The following EXD3 variants were observed in gnomAD, a reference collection of about 807,000 sequenced individuals.
EXD3 encodes the protein exonuclease 3'-5' domain containing 3.
Under a neutral mutation model 98.0 loss-of-function variants are expected in EXD3, and 92 were observed. The ratio of observed to expected loss-of-function variants is 0.94; its 90% CI spans 0.79 to 1.12. EXD3 has a LOEUF of 1.12. EXD3 is among the 50% of genes most tolerant of loss of function. The pLI, the probability that EXD3 is intolerant of heterozygous loss-of-function variation, is 0.00. For missense variants in EXD3, 1,222 were observed against 1,191.6 expected (o/e 1.03, Z -0.38); for synonymous variants, 569 against 526.0 (o/e 1.08, Z -1.12).
chr9:137,388,335 C>T (rs910529280), intron 2 of EXD3, among the ~76,000 whole-genome samples: 4 of 152,066 alleles, frequency 2.6e-5, no homozygotes, highest in Non-Finnish European at 4.4e-5. Context: ...CCCCAGCTGA[C>T]ACCCCCGCGC....
chr9:137,355,534 A>AGGAGGAAGGAGGACGGAGGAAGGAGGAT (rs1834644837), intron 8 of EXD3, among the ~76,000 whole-genome samples: 2 of 82,044 alleles, frequency 2.4e-5, no homozygotes, highest in Admixed American at 1.2e-4. Flanking sequence ...GGATGGAGGA[A>AGGAGGAAGGAGGACGGAGGAAGGAGGAT]GGAGGAAGGA....
intron 19 of EXD3, among the ~76,000 whole-genome samples, chr9:137,317,167 G>C (rs1369289702): frequency 6.6e-6 from 1 of 152,134 alleles, no homozygotes; most frequent in East Asian, 1.9e-4. Context: ...CCCTGCCTCT[G>C]TAGCTGCGGG....
chr9:137,399,184 C>G (rs1377229332), intron 1 of EXD3, among the ~76,000 whole-genome samples: 3 of 152,352 alleles, frequency 2.0e-5, no homozygotes, highest in African/African-American at 7.2e-5. Context: ...CTACTGTCTT[C>G]TAGCCTCAGG....
intron 7 of EXD3, chr9:137,365,756 A>G (rs1025676594): frequency 9.3e-6 from 3 of 324,300 alleles, no homozygotes; most frequent in South Asian, 2.5e-5. Context: ...ACATACATGC[A>G]CACACACACC....
At position 137,405,171 on chromosome 9, in the gene EXD3, C is replaced by T. The variant is rs777267104; in HGVS notation, c.-47-9767G>A. ...GGTGTCCAAAGACCCTACTTGGGAG[C>T]CCCGCACATCCGCACATCCCACCCT... On this transcript the variant is annotated intron_variant, in intron 1 of 21. Transcript: ENST00000340951. The surrounding 1 kb of genome is among the most constrained non-coding windows in gnomAD (Gnocchi z 4.1). 6.6e-6 allele frequency among the ~76,000 whole-genome samples: 1 copy of T among 152,218 alleles called. No individual in the cohort carries two copies. The highest frequency in any genetic ancestry group is 1.5e-5 in the Non-Finnish European group (1 of 68,034).
At position 137,368,597 on chromosome 9, in the gene EXD3, C is replaced by T. The variant is rs146704819; in HGVS notation, c.463-608G>A. 2.8e-4 allele frequency among the ~76,000 whole-genome samples: 42 copies of T among 152,326 alleles called. No homozygotes were observed. In the East Asian group the frequency reaches 6.6e-3, roughly 24 times the overall value. On this transcript the variant is annotated intron_variant, in intron 5 of 21. Coordinates refer to ENST00000340951, the MANE Select transcript of EXD3 (RefSeq NM_017820.5). ...GCTGCTATTAATAATTTCCATAAGC[C>T]GCGCTCCCATAGCCAGCAAAAATGA...
intron 19 of EXD3, among the ~76,000 whole-genome samples, chr9:137,311,053 C>T (rs865913225): frequency 6.6e-6 from 1 of 152,338 alleles, no homozygotes; most frequent in South Asian, 2.1e-4. Context: ...CTGAGCCTTT[C>T]GAAACTAAGA....
In EXD3 at chr9:137,403,299, G is replaced by A. The variant is rs373857815; in HGVS notation, c.-47-7895C>T. ...CCCCAGAAGATGCAGACCCGAACGC[G>A]TCTCCTCCCGGCTGGTCTGTCCAGG... is the stretch of plus-strand genomic sequence containing the variant. On this transcript the variant is annotated intron_variant, in intron 1 of 21. Transcript: ENST00000340951. This position sits in a 1 kb window ranked among gnomAD's most constrained non-coding sequence, Gnocchi z 6.1. Among the ~76,000 whole-genome samples the A allele has an allele frequency of 5.5e-4, 83 of 152,092 alleles. 1 individual carries two copies. In the South Asian group the frequency reaches 8.5e-3, roughly 16 times the overall value.
rs968363084 is a variant in EXD3, at chr9:137,393,873, C to T, written c.55+1430G>A. Among the ~76,000 whole-genome samples the T allele has an allele frequency of 1.3e-5, 2 of 152,138 alleles. No individual in the cohort carries two copies. The highest frequency in any genetic ancestry group is 4.8e-5 in the African/African-American group (2 of 41,416). On this transcript the variant is annotated intron_variant, in intron 2 of 21. Coordinates refer to ENST00000340951, the MANE Select transcript of EXD3 (RefSeq NM_017820.5). This position sits in a 1 kb window ranked among gnomAD's most constrained non-coding sequence, Gnocchi z 4.6. ...TGAGGGCCTGCAGCCCAGGGCGAGG[C>T]GGCTGGGCCAGGGCCTTACAGCTCT...
rs1834964777 is a variant in EXD3, at chr9:137,360,462, T to TG, written c.657-4095_657-4094insC. On this transcript the variant is annotated intron_variant, in intron 7 of 21. Transcript: ENST00000340951. Reference sequence around the variant, plus strand: ...TTTCATCCTTCCTTCCTTTTCTTCTTCTTTTTTTTTTTTTTTGAGATGGAG... The same window carrying TG: ...TTTCATCCTTCCTTCCTTTTCTTCTTGCTTTTTTTTTTTTTTTGAGATGGAG... Among the ~76,000 whole-genome samples, 2 of 35,344 alleles carry TG rather than the reference T, an allele frequency of 5.7e-5. 1 individual carries two copies. The highest frequency in any genetic ancestry group is 1.1e-4 in the Non-Finnish European group (2 of 17,794). The allele number at this position is 35,344 out of a possible 152,430, so 23.2% of individuals were successfully genotyped here. A position where few individuals can be genotyped will look rare whatever the true frequency, so the allele number is the denominator to read the frequency against.
chr9:137,349,831 C>T lies in EXD3; in HGVS notation c.1495-300G>A, dbSNP rs1317062140. On this transcript the variant is annotated intron_variant, in intron 14 of 21. Transcript: ENST00000340951. The surrounding 1 kb of genome is among the most constrained non-coding windows in gnomAD (Gnocchi z 7.4). The stretch of plus-strand genomic sequence containing the variant: ...AGCCCGGGCCCTGAGTCTGTGTGGC[C>T]AGCTCTCTGTCTCTGTTTTATCTTC... Among the ~76,000 whole-genome samples the T allele has an allele frequency of 2.0e-5, 3 of 152,100 alleles. No homozygotes were observed. Among genetic ancestry groups the T allele is most frequent in the Non-Finnish European group, 4.4e-5 (3 of 68,000 alleles).
rs879443896 is a variant in EXD3, at chr9:137,403,800, C to T, written c.-47-8396G>A. ...TTCTCAGAAGGCCCTCTCCACCATG[C>T]CCAGAACCGTGGATGCCCCAGCCTG... On this transcript the variant is annotated intron_variant, in intron 1 of 21. Transcript: ENST00000340951. The surrounding 1 kb of genome is among the most constrained non-coding windows in gnomAD (Gnocchi z 6.1). Among the ~76,000 whole-genome samples, 3 of 152,176 alleles carry T rather than the reference C, an allele frequency of 2.0e-5. No individual in the cohort carries two copies. Among genetic ancestry groups the T allele is most frequent in the Admixed American group, 2.0e-4 (3 of 15,284 alleles).
intron 17 of EXD3, among the ~76,000 whole-genome samples, chr9:137,326,701 A>G (rs1039840042): frequency 1.3e-5 from 2 of 152,186 alleles, no homozygotes; most frequent in African/African-American, 4.8e-5. Context: ...AAAAAGGGAA[A>G]TAAATGTTGG....
intron 19 of EXD3, among the ~76,000 whole-genome samples, chr9:137,318,091 G>A (rs2119076479): frequency 6.6e-6 from 1 of 152,288 alleles, no homozygotes; most frequent in East Asian, 1.9e-4. Flanking sequence ...GGCGGCACTG[G>A]GGCCCCCAGG....
chr9:137,337,554 G>A (rs1833419776), intron 17 of EXD3, among the ~76,000 whole-genome samples: 1 of 151,932 alleles, frequency 6.6e-6, no homozygotes, highest in African/African-American at 2.4e-5. Context: ...GGGAGGCTGA[G>A]GCAGGAGAAT....
At position 137,420,737 on chromosome 9, in the gene EXD3, A is replaced by AACC. The variant is rs1554743328; in HGVS notation, c.-48+2376_-48+2377insGGT. Among the ~76,000 whole-genome samples, 46 of 112,462 alleles carry AACC rather than the reference A, an allele frequency of 4.1e-4. 1 individual carries two copies. The highest frequency in any genetic ancestry group is 8.9e-4 in the East Asian group (3 of 3,368). The allele number at this position is 112,462 out of a possible 152,430, so 73.8% of individuals were successfully genotyped here. ...TTTGGGACCTGGAGGACAGACATTC[A>AACC]CCCCCCCCCCCAAATTCATACAGGT... On this transcript the variant is annotated intron_variant, in intron 1 of 21. Transcript: ENST00000340951.
At chr9:137,376,861 G>A (rs867984533) in intron 3 of EXD3, among the ~76,000 whole-genome samples, 2 of 151,322 alleles carry the variant, frequency 1.3e-5, no homozygotes, top group South Asian at 2.1e-4. Context: ...CTTGGGAGGC[G>A]GAGGTCGCGG....
In EXD3 at chr9:137,352,774, G is replaced by GC. The variant is rs1834377395; in HGVS notation, c.882dup (p.Gln295AlafsTer18). The GC allele has an allele frequency of 1.9e-6, 3 of 1,580,976 alleles. No homozygotes were observed. The highest frequency in any genetic ancestry group is 1.7e-6 in the Non-Finnish European group (2 of 1,165,598). On this transcript the variant is annotated frameshift_variant, in exon 11 of 22. Transcript: ENST00000340951. LOFTEE classifies it high-confidence loss of function. ...AGCTGCTCCTGAAGCCACGGGCTCT[G>GC]CCCCACCAGGCCCTGTGAGGAGGGT...
At chr9:137,318,481 G>A (rs994938660) in intron 19 of EXD3, among the ~76,000 whole-genome samples, 11 of 152,214 alleles carry the variant, frequency 7.2e-5, no homozygotes, top group African/African-American at 2.7e-4. Context: ...CCATGCTGGG[G>A]GGGTGGGGAC....
Sources: allele counts gnomAD v4.1 joint callset (sites outside exome capture counted in the v4.1 genomes callset), GRCh38; gene constraint gnomAD v4.1.1; non-coding constraint Gnocchi (gnomAD v3.1); transcripts MANE v1.5; gene names NCBI Gene and HGNC (gene_info 2026-07-23, HGNC 2026-07-21).